Variants in WARS2 observed in about 807,000 individuals in gnomAD.
The protein encoded by WARS2 is tryptophanyl tRNA synthetase 2, mitochondrial, also known as tryptophan--tRNA ligase, mitochondrial.
Under a neutral mutation model 36.5 loss-of-function variants are expected in WARS2, and 28 were observed. The observed-to-expected ratio is 0.77, with a 90% CI of 0.57 to 1.05. The LOEUF (loss-of-function observed/expected upper bound fraction) is 1.05, where lower values mean the gene tolerates loss of function less well. WARS2 is among the 50% of genes least tolerant of loss of function. The probability of loss-of-function intolerance (pLI) is 0.00; values close to 1 mark genes in which losing one functional copy is unlikely to be tolerated. For missense variants in WARS2, 435 were observed against 456.8 expected (o/e 0.95, Z 0.44); for synonymous variants, 174 against 178.4 (o/e 0.98, Z 0.20).
At chr1:119,086,337 T>C (rs1652665471) in intron 1 of WARS2, among the ~76,000 whole-genome samples, 1 of 152,244 alleles carries the variant, frequency 6.6e-6, no homozygotes, top group Non-Finnish European at 1.5e-5. Flanking sequence ...ACATTCATCC[T>C]TTGGCCAGCA....
rs539543806 is a variant in WARS2 at position 119,060,001 on chromosome 1, T to G, written c.349-14339A>C. On this transcript the variant is annotated intron_variant, in intron 2 of 5. Transcript: ENST00000235521. The stretch of plus-strand genomic sequence containing the variant: ...ACTAATGGATACTAGACTTAATACC[T>G]GGGTGATGAAATAATCTGTACACCA... Among the ~76,000 whole-genome samples the G allele has an allele frequency of 1.0e-3, 154 of 152,302 alleles. 1 individual carries two copies. Among genetic ancestry groups the G allele is most frequent in the Admixed American group, 9.7e-3 (149 of 15,290 alleles).
At chr1:119,076,717 T>G in intron 1 of WARS2, 110 bp from the exon 2 acceptor site, 1 of 1,458,018 alleles carries the variant, frequency 6.9e-7, no homozygotes, top group South Asian at 1.3e-5. Context: ...AACTACAATC[T>G]GACAGTCATC....
intron 2 of WARS2, among the ~76,000 whole-genome samples, chr1:119,067,317 G>A (rs966004286): frequency 3.3e-5 from 5 of 152,120 alleles, no homozygotes; most frequent in Admixed American, 6.5e-5. Context: ...GGAAAATGGC[G>A]TTACAACTAA....
intron 2 of WARS2, among the ~76,000 whole-genome samples, chr1:119,072,119 A>T (rs587749705): frequency 6.6e-6 from 1 of 152,184 alleles, no homozygotes; most frequent in Non-Finnish European, 1.5e-5. Context: ...TAGTTTATTC[A>T]CTTATACTTC....
chr1:119,124,290 C>T (rs936949440), intron 1 of WARS2, among the ~76,000 whole-genome samples: 1 of 152,224 alleles, frequency 6.6e-6, no homozygotes, highest in African/African-American at 2.4e-5. Flanking sequence ...CTCAGGATTT[C>T]GAGACCAGCC....
chr1:119,063,910 A>C (rs1650613869), intron 2 of WARS2: 1 of 152,236 alleles, frequency 6.6e-6, no homozygotes, highest in Admixed American at 6.5e-5. Flanking sequence ...GCCCCCACAC[A>C]GTGTACCTAC....
At chr1:119,060,444 C>A (rs2645300) in intron 2 of WARS2, among the ~76,000 whole-genome samples, 49,476 of 152,072 alleles carry the variant, frequency 0.33, 9,513 homozygotes, top group African/African-American at 0.54. Flanking sequence ...TTAGGGCTCC[C>A]TCCTTAGGAC....
chr1:119,069,063 A>G (rs1651101019), intron 2 of WARS2, among the ~76,000 whole-genome samples: 1 of 152,236 alleles, frequency 6.6e-6, no homozygotes, highest in African/African-American at 2.4e-5. Flanking sequence ...AATTACTGGT[A>G]AAAGTCAACA....
In WARS2 at chr1:119,108,093, T is replaced by C. The variant is rs587750152; in HGVS notation, c.91-31486A>G. On this transcript the variant is annotated intron_variant, in intron 1 of 5. Coordinates refer to ENST00000235521, the MANE Select transcript of WARS2 (RefSeq NM_015836.4). The stretch of plus-strand genomic sequence containing the variant: ...ATTCACTTTGCTAGTATTTTGTTGA[T>C]GATTTTTGCATCCATATTCATAAGA... Among the ~76,000 whole-genome samples the C allele has an allele frequency of 3.9e-4, 60 of 152,112 alleles. No homozygotes were observed. The South Asian group carries it at 5.4e-3, about 14-fold the overall frequency.
intron 1 of WARS2, among the ~76,000 whole-genome samples, chr1:119,138,025 G>A (rs951247597): frequency 1.3e-5 from 2 of 152,178 alleles, no homozygotes; most frequent in African/African-American, 4.8e-5. Flanking sequence ...ACCTAAGGGA[G>A]TAAGTGCACA....
intron 1 of WARS2, among the ~76,000 whole-genome samples, chr1:119,087,165 A>AT (rs954258047): frequency 2.0e-5 from 3 of 152,094 alleles, no homozygotes; most frequent in African/African-American, 7.2e-5. Flanking sequence ...CTTGGTAAAT[A>AT]TTTTTTTATT....
intron 1 of WARS2, chr1:119,140,327 G>A (rs1209740114): frequency 1.3e-5 from 5 of 392,348 alleles, no homozygotes; most frequent in African/African-American, 2.1e-5. Flanking sequence ...GCGGCAAGAG[G>A]TCAGAAAGCG....
At chr1:119,070,802 AATG>A (rs1467237040) in intron 2 of WARS2, among the ~76,000 whole-genome samples, 2 of 152,054 alleles carry the variant, frequency 1.3e-5, no homozygotes, top group Non-Finnish European at 2.9e-5. Context: ...TAAATCTGAA[AATG>A]ATATGATTAT....
At chr1:119,076,827 C>A (rs1001739672) in intron 1 of WARS2, among the ~76,000 whole-genome samples, 2 of 152,060 alleles carry the variant, frequency 1.3e-5, no homozygotes, top group Non-Finnish European at 2.9e-5. Context: ...CAAACATGGA[C>A]AAATGCAAAG....
At chr1:119,093,242 A>G (rs1213157623) in intron 1 of WARS2, among the ~76,000 whole-genome samples, 1 of 152,022 alleles carries the variant, frequency 6.6e-6, no homozygotes, top group African/African-American at 2.4e-5. Context: ...TGATTATCCT[A>G]ACACTAGAGT....
intron 4 of WARS2, among the ~76,000 whole-genome samples, chr1:119,039,129 A>T (rs1033938492): frequency 6.6e-6 from 1 of 152,248 alleles, no homozygotes; most frequent in Admixed American, 6.5e-5. Flanking sequence ...AAATGGGGAT[A>T]ATGCCACCCA....
At chr1:119,130,562 CAAT>C (rs1396371200) in intron 1 of WARS2, among the ~76,000 whole-genome samples, 3 of 152,074 alleles carry the variant, frequency 2.0e-5, no homozygotes, top group African/African-American at 7.2e-5. Flanking sequence ...ATACTTTGGG[CAAT>C]AATAAGATCA....
At chr1:119,131,456 T>TTC (rs1656088987) in intron 1 of WARS2, among the ~76,000 whole-genome samples, 1 of 136,392 alleles carries the variant, frequency 7.3e-6, no homozygotes, top group South Asian at 2.3e-4. Context: ...GCAAAGTTTT[T>TTC]TGTTTTTTGT....
intron 1 of WARS2, among the ~76,000 whole-genome samples, chr1:119,112,528 A>G (rs966876873): frequency 6.6e-6 from 1 of 152,218 alleles, no homozygotes; most frequent in African/African-American, 2.4e-5. Flanking sequence ...GGACTGAGCA[A>G]CCAATGTTAA....
Sources: allele counts gnomAD v4.1 joint callset (sites outside exome capture counted in the v4.1 genomes callset), GRCh38; gene constraint gnomAD v4.1.1; transcripts MANE v1.5; gene names NCBI Gene and HGNC (gene_info 2026-07-23, HGNC 2026-07-21).